The following FBLIM1 variants were observed in gnomAD, a reference collection of about 807,000 sequenced individuals.
The protein encoded by FBLIM1 is filamin binding LIM protein 1, also known as filamin-binding LIM protein 1.
Under a neutral mutation model 37.4 loss-of-function variants are expected in FBLIM1, and 29 were observed. The ratio of observed to expected loss-of-function variants is 0.77; its 90% CI spans 0.58 to 1.06. The LOEUF is 1.06. Ranked by LOEUF, FBLIM1 falls within the 50% of genes least tolerant of loss-of-function variation. FBLIM1 has a pLI of 0.00. For missense variants in FBLIM1, 449 were observed against 505.6 expected (o/e 0.89, Z 1.07); for synonymous variants, 193 against 199.0 (o/e 0.97, Z 0.25).
Position 15,767,969 on chromosome 1 carries a change from C to T in FBLIM1, c.438+406C>T, listed in dbSNP as rs187493200. On this transcript the variant is annotated intron_variant, in intron 4 of 8. Coordinates refer to ENST00000375766, the MANE Select transcript of FBLIM1 (RefSeq NM_017556.4). ...CATGATCTTGGCTCACTGTAGCCTCCACCTCCCAGGTTCAAGCGATTCTCC... is the reference window on the plus strand; with the variant it reads ...CATGATCTTGGCTCACTGTAGCCTCTACCTCCCAGGTTCAAGCGATTCTCC... 9.2e-5 allele frequency among the ~76,000 whole-genome samples: 14 copies of T among 152,198 alleles called. No homozygotes were observed. In the East Asian group the frequency reaches 2.7e-3, roughly 29 times the overall value.
intron 2 of FBLIM1, 96 bp from the exon 3 acceptor site, chr1:15,764,868 C>T (rs529149022): frequency 1.5e-4 from 218 of 1,415,656 alleles, no homozygotes; most frequent in Middle Eastern, 5.2e-4. Flanking sequence ...GGGTGGCTGG[C>T]CTGTCTTTTT....
At position 15,784,824 on chromosome 1, in the gene FBLIM1, C is replaced by A; in HGVS notation, c.*163C>A. 1.8e-6 allele frequency: 1 copy of A among 547,626 alleles called. No individual in the cohort carries two copies. The highest frequency in any genetic ancestry group is 2.6e-5 in the South Asian group (1 of 39,116). The allele number at this position is 547,626 out of a possible 1,614,324, so 33.9% of individuals were successfully genotyped here. ...TCCAGGATACAGTGGGGCTGAGCACCCCCAGGCCTTCCACTCCTCTACCCT... is the reference window on the plus strand; with the variant it reads ...TCCAGGATACAGTGGGGCTGAGCACACCCAGGCCTTCCACTCCTCTACCCT... On this transcript the variant is annotated 3_prime_UTR_variant, in exon 9 of 9. Transcript: ENST00000375766.
chr1:15,771,821 C>T (rs542597330), intron 6 of FBLIM1, among the ~76,000 whole-genome samples: 1 of 151,610 alleles, frequency 6.6e-6, no homozygotes, highest in Non-Finnish European at 1.5e-5. Flanking sequence ...TTAGCTACCA[C>T]ACGAGGTCAC....
At chr1:15,784,160 G>A (rs1402232318) in intron 8 of FBLIM1, among the ~76,000 whole-genome samples, 5 of 152,158 alleles carry the variant, frequency 3.3e-5, no homozygotes, top group African/African-American at 9.7e-5. Flanking sequence ...CAGCCTGGGC[G>A]ACAGAGCAAG....
At chr1:15,776,866 C>CAA (rs36071270) in intron 7 of FBLIM1, 60 of 68,772 alleles carry the variant, frequency 8.7e-4, no homozygotes, top group East Asian at 5.0e-3. Context: ...AACTCCATCT[C>CAA]AAAAAAAAAA....
In FBLIM1 at chr1:15,779,364, G is replaced by T. The variant is rs142988459; in HGVS notation, c.1008+2077G>T. Among the ~76,000 whole-genome samples the T allele has an allele frequency of 5.9e-5, 9 of 152,208 alleles. No individual in the cohort carries two copies. In the East Asian group the frequency reaches 1.4e-3, roughly 23 times the overall value. The stretch of plus-strand genomic sequence containing the variant: ...CTGTCACCCAGGCTGGAGTGCACCA[G>T]TGCGATCTCAGCTCACTGCAACCTC... On this transcript the variant is annotated intron_variant, in intron 8 of 8. Transcript: ENST00000375766.
In FBLIM1 at chr1:15,767,545, GCCCCCGCCCCCACCACAGGTACTGCCTGC is replaced by G; in HGVS notation, c.427_438+17del. On this transcript the variant is annotated splice_donor_variant and splice_donor_5th_base_variant and coding_sequence_variant and intron_variant, in exon 4 of 9. Coordinates refer to ENST00000375766, the MANE Select transcript of FBLIM1 (RefSeq NM_017556.4). LOFTEE classifies it high-confidence loss of function. The stretch of plus-strand genomic sequence containing the variant: ...ACTTAGAGCAGCTGCACCTGTCCCC[GCCCCCGCCCCCACCACAGGTACTGCCTGC>G]CCCCCGACCCCCAGCAATCCCTTGG... 7.9e-7 allele frequency: 1 copy of G among 1,257,962 alleles called. No individual in the cohort carries two copies. Among genetic ancestry groups the G allele is most frequent in the Non-Finnish European group, 1.0e-6 (1 of 954,624 alleles). The allele number at this position is 1,257,962 out of a possible 1,614,324, so 77.9% of individuals were successfully genotyped here.
rs762906937 is a variant in FBLIM1, at chr1:15,774,583, G to A, written c.712-35G>A. ...GACCCTCGTGGGTTGGGGTGGGTGT[G>A]TCGTGGATGGTTCTGGCAGTGGCCT... On this transcript the variant is annotated intron_variant, in intron 6 of 8. Coordinates refer to ENST00000375766, the MANE Select transcript of FBLIM1 (RefSeq NM_017556.4). 1.4e-5 allele frequency: 22 copies of A among 1,584,238 alleles called. No individual in the cohort carries two copies. In the Admixed American group the frequency reaches 3.8e-4, roughly 27 times the overall value.
chr1:15,765,157 G>T lies in FBLIM1; in HGVS notation c.174G>T (p.Gly58=), dbSNP rs148775063. The part of the protein sequence containing the change: ...PMKTPEAGLA[G]RPSPWTTPGR... ...AGACACCCGAGGCTGGCTTGGCGGGGAGGCCCAGCCCCTGGACAACCCCTG... is the reference window on the plus strand; with the variant it reads ...AGACACCCGAGGCTGGCTTGGCGGGTAGGCCCAGCCCCTGGACAACCCCTG... Residue 58 remains glycine, a synonymous_variant, in exon 3 of 9, where the codon GGG becomes GGT. Coordinates refer to ENST00000375766, the MANE Select transcript of FBLIM1 (RefSeq NM_017556.4). The surrounding 1 kb of genome is among the most constrained non-coding windows in gnomAD (Gnocchi z 5.9). 1.6e-3 allele frequency: 2,601 copies of T among 1,613,796 alleles called. 33 individuals are homozygous for T. The African/African-American group carries it at 0.027, about 17-fold the overall frequency.
chr1:15,772,896 C>T (rs921016282), intron 6 of FBLIM1, among the ~76,000 whole-genome samples: 13 of 151,978 alleles, frequency 8.6e-5, no homozygotes, highest in East Asian at 1.9e-4. Context: ...GTGATTCTCC[C>T]GCCTCAGCCT....
At position 15,785,311 on chromosome 1, in the gene FBLIM1, C is replaced by T. The variant is rs1372536806; in HGVS notation, c.*650C>T. The stretch of plus-strand genomic sequence containing the variant: ...CACCATTGCATTCCAGCCTGGGCAA[C>T]AAGAGGGAAACTCCGTCTCAAAAAA... On this transcript the variant is annotated 3_prime_UTR_variant, in exon 9 of 9. Transcript: ENST00000375766. 7.1e-6 allele frequency: 1 copy of T among 141,478 alleles called. No homozygotes were observed. 8.8% of individuals were successfully genotyped at this position (141,478 alleles called of 1,614,324 possible).
At chr1:15,766,247 A>T (rs540512808) in intron 3 of FBLIM1, among the ~76,000 whole-genome samples, 18 of 152,114 alleles carry the variant, frequency 1.2e-4, no homozygotes, top group Non-Finnish European at 2.4e-4. Context: ...AGCTGGGACC[A>T]CAAGCTCTCA....
rs1340002116 is a variant in FBLIM1, at chr1:15,764,860, G to A, written c.-20-104G>A. ...TGGACTGAGTTGTTGAGATGGTAGG[G>A]TGGCTGGCCTGTCTTTTTGGGAGGA... On this transcript the variant is annotated intron_variant, in intron 2 of 8. Coordinates refer to ENST00000375766, the MANE Select transcript of FBLIM1 (RefSeq NM_017556.4). The A allele has an allele frequency of 2.2e-6, 3 of 1,354,120 alleles. No individual in the cohort carries two copies. The African/African-American group carries it at 4.4e-5, about 20-fold the overall frequency. The allele number at this position is 1,354,120 out of a possible 1,614,324, so 83.9% of individuals were successfully genotyped here. A position where few individuals can be genotyped will look rare whatever the true frequency, so the allele number is the denominator to read the frequency against.
At chr1:15,760,808 G>A (rs931163347) in intron 1 of FBLIM1, among the ~76,000 whole-genome samples, 1 of 152,270 alleles carries the variant, frequency 6.6e-6, no homozygotes, top group South Asian at 2.1e-4. Context: ...TTCGCTCTCT[G>A]GGGGAGGAAG....
chr1:15,775,547 AAAG>A (rs1350729218), intron 7 of FBLIM1, among the ~76,000 whole-genome samples: 1 of 151,856 alleles, frequency 6.6e-6, no homozygotes, highest in Admixed American at 6.6e-5. Context: ...AAAAAAAAAA[AAAG>A]AAAAGGATAT....
chr1:15,786,386 T>A lies in FBLIM1; in HGVS notation c.*1725T>A, dbSNP rs894140748. 2 of 152,198 alleles carry A rather than the reference T, an allele frequency of 1.3e-5. No homozygotes were observed. The highest frequency in any genetic ancestry group is 2.9e-5 in the Non-Finnish European group (2 of 68,058). The allele number at this position is 152,198 out of a possible 1,614,324, so 9.4% of individuals were successfully genotyped here. On this transcript the variant is annotated 3_prime_UTR_variant, in exon 9 of 9. Coordinates refer to ENST00000375766, the MANE Select transcript of FBLIM1 (RefSeq NM_017556.4). The stretch of plus-strand genomic sequence containing the variant: ...GAGCCTAGAGCAGGGAGTCCCGAAC[T>A]TCTGCATTCACAGACCACCTCCACA...
Position 15,774,730 on chromosome 1 carries a change from G to C in FBLIM1, c.824G>C (p.Cys275Ser). 1 of 1,614,144 alleles carries C rather than the reference G, an allele frequency of 6.2e-7. No individual in the cohort carries two copies. Among genetic ancestry groups the C allele is most frequent in the Non-Finnish European group, 8.5e-7 (1 of 1,179,996 alleles). ...TTCACGTGTGTGACCTGCGCCCGGT[G>C]CATTGGGGATGAGAGCTTTGCCCTG... ...SCFTCVTCAR[C>S]IGDESFALGS... is the part of the protein sequence containing the mutation. The change falls in exon 7 of 9, where the codon TGC (cysteine) becomes TCC (serine). Residue 275 changes from cysteine (C) to serine (S), a missense_variant. By Grantham distance (112) the Cys-to-Ser change is moderately radical. Coordinates refer to ENST00000375766, the MANE Select transcript of FBLIM1 (RefSeq NM_017556.4).
chr1:15,765,722 G>T lies in FBLIM1; in HGVS notation c.250+489G>T, dbSNP rs1187403153. On this transcript the variant is annotated intron_variant, in intron 3 of 8. Coordinates refer to ENST00000375766, the MANE Select transcript of FBLIM1 (RefSeq NM_017556.4). This position sits in a 1 kb window ranked among gnomAD's most constrained non-coding sequence, Gnocchi z 5.9. ...CTGCTTGAAGCCGTCTACACCGAAG[G>T]CTGCCATCTGCCATCTGCTTAGTAC... is the stretch of plus-strand genomic sequence containing the variant. 6.6e-6 allele frequency among the ~76,000 whole-genome samples: 1 copy of T among 152,152 alleles called. No homozygotes were observed. The highest frequency in any genetic ancestry group is 1.5e-5 in the Non-Finnish European group (1 of 68,032).
chr1:15,780,182 C>A (rs369538410), intron 8 of FBLIM1, among the ~76,000 whole-genome samples: 1 of 151,778 alleles, frequency 6.6e-6, no homozygotes, highest in East Asian at 1.9e-4. Flanking sequence ...TGAGCCACTG[C>A]GCACGGCCTG....
Sources: allele counts gnomAD v4.1 joint callset (sites outside exome capture counted in the v4.1 genomes callset), GRCh38; gene constraint gnomAD v4.1.1; non-coding constraint Gnocchi (gnomAD v3.1); transcripts MANE v1.5; gene names NCBI Gene and HGNC (gene_info 2026-07-23, HGNC 2026-07-21).